The following MEGF11 variants were observed in gnomAD, a reference collection of about 807,000 sequenced individuals.
The protein encoded by MEGF11 is multiple EGF like domains 11, also known as multiple epidermal growth factor-like domains protein 11.
Under a neutral mutation model 146.6 loss-of-function variants are expected in MEGF11, and 126 were observed. The ratio of observed to expected loss-of-function variants is 0.86; its 90% CI spans 0.74 to 1.00. The LOEUF is 1.00. Ranked by LOEUF, MEGF11 falls within the 50% of genes least tolerant of loss-of-function variation. The pLI, the probability that MEGF11 is intolerant of heterozygous loss-of-function variation, is 0.00. For synonymous variants in MEGF11, 532 were observed against 583.4 expected, an observed-to-expected ratio of 0.91 and a Z score of 1.27; for missense variants, 1,509 against 1,521.2, an observed-to-expected ratio of 0.99 and a Z score of 0.13.
intron 1 of MEGF11, among the ~76,000 whole-genome samples, chr15:66,206,513 A>T (rs1417978927): frequency 6.6e-6 from 1 of 152,216 alleles, no homozygotes; most frequent in Non-Finnish European, 1.5e-5. Flanking sequence ...AAAATTAAAG[A>T]TGAAGAAAAA....
At chr15:66,052,058 A>C (rs1226389586) in intron 5 of MEGF11, among the ~76,000 whole-genome samples, 1 of 152,196 alleles carries the variant, frequency 6.6e-6, no homozygotes, top group Admixed American at 6.5e-5. Context: ...CATCATGAGG[A>C]GGCAACAGAG....
At chr15:66,011,954 A>C (rs1201422857) in intron 5 of MEGF11, among the ~76,000 whole-genome samples, 4 of 152,114 alleles carry the variant, frequency 2.6e-5, no homozygotes, top group Non-Finnish European at 4.4e-5. Flanking sequence ...AAGAACGCAA[A>C]ATAGGGCTGG....
chr15:66,117,277 T>C (rs1460398165), intron 4 of MEGF11, among the ~76,000 whole-genome samples: 1 of 152,096 alleles, frequency 6.6e-6, no homozygotes, highest in Non-Finnish European at 1.5e-5. Context: ...CTGCCAGAAC[T>C]CTCCTGTCCC....
At chr15:66,230,012 C>T (rs1249068424) in intron 1 of MEGF11, among the ~76,000 whole-genome samples, 2 of 152,062 alleles carry the variant, frequency 1.3e-5, no homozygotes, top group African/African-American at 2.4e-5. Context: ...ACTTTACCTC[C>T]TACAAGAGAG....
In MEGF11 at chr15:65,896,768, GAT is replaced by G. The variant is rs1257457972; in HGVS notation, c.*1164_*1165del. 1 of 152,182 alleles carries G rather than the reference GAT, an allele frequency of 6.6e-6. No homozygotes were observed. Among genetic ancestry groups the G allele is most frequent in the Non-Finnish European group, 1.5e-5 (1 of 68,034 alleles). The allele number at this position is 152,182 out of a possible 1,614,324, so 9.4% of individuals were successfully genotyped here. A position where few individuals can be genotyped will look rare whatever the true frequency, so the allele number is the denominator to read the frequency against. ...CTAGCTCAGTAAGTAGTAGTTTTAA[GAT>G]AGAAGGTGGAAGGACTTCATATCCT... On this transcript the variant is annotated 3_prime_UTR_variant, in exon 26 of 26. Coordinates refer to ENST00000395614, the MANE Select transcript of MEGF11 (RefSeq NM_001385028.1).
chr15:66,069,521 T>C (rs535061790), intron 5 of MEGF11, among the ~76,000 whole-genome samples: 1 of 152,256 alleles, frequency 6.6e-6, no homozygotes, highest in Admixed American at 6.5e-5. Context: ...GAGATTGAGG[T>C]AAAGAAGGTC....
At chr15:66,228,784 G>T (rs1029589850) in intron 1 of MEGF11, among the ~76,000 whole-genome samples, 1 of 152,212 alleles carries the variant, frequency 6.6e-6, no homozygotes, top group African/African-American at 2.4e-5. Context: ...TGGGCTTTAT[G>T]AGAGGAGGCC....
At chr15:65,935,586 T>C (rs1305295200) in intron 10 of MEGF11, among the ~76,000 whole-genome samples, 1 of 152,206 alleles carries the variant, frequency 6.6e-6, no homozygotes, top group Non-Finnish European at 1.5e-5. Flanking sequence ...GTGTTGATTG[T>C]TGTTGAGTGG....
intron 5 of MEGF11, among the ~76,000 whole-genome samples, chr15:65,993,910 C>T (rs544517642): frequency 9.8e-5 from 15 of 152,298 alleles, no homozygotes; most frequent in African/African-American, 2.9e-4. Context: ...ACCACCCTTC[C>T]AGACGTCAGT....
At chr15:66,227,843 A>G (rs2140187111) in intron 1 of MEGF11, among the ~76,000 whole-genome samples, 1 of 152,284 alleles carries the variant, frequency 6.6e-6, no homozygotes, top group Non-Finnish European at 1.5e-5. Context: ...AGATTCTTTT[A>G]TGCTTCAGAT....
intron 10 of MEGF11, among the ~76,000 whole-genome samples, chr15:65,944,447 C>T (rs1003288812): frequency 2.0e-5 from 3 of 151,900 alleles, no homozygotes; most frequent in Admixed American, 6.6e-5. Context: ...TGGGGCCACA[C>T]GTGGGTTGGG....
chr15:65,956,441 C>A (rs1221130874), intron 10 of MEGF11, among the ~76,000 whole-genome samples: 2 of 152,212 alleles, frequency 1.3e-5, no homozygotes, highest in Admixed American at 1.3e-4. Context: ...CCTTGCGAGG[C>A]AGGTGTTCTA....
chr15:66,156,256 C>T (rs1217794264), intron 1 of MEGF11, among the ~76,000 whole-genome samples: 1 of 152,188 alleles, frequency 6.6e-6, no homozygotes, highest in Non-Finnish European at 1.5e-5. Flanking sequence ...CTGGGATCTC[C>T]CCTACCCCTG....
intron 5 of MEGF11, among the ~76,000 whole-genome samples, chr15:66,072,587 A>C (rs1320022441): frequency 6.6e-6 from 1 of 152,194 alleles, no homozygotes; most frequent in East Asian, 1.9e-4. Context: ...CAGATTTATT[A>C]AATAAGTGAC....
At chr15:65,930,079 C>A (rs1377318944) in intron 11 of MEGF11, among the ~76,000 whole-genome samples, 196 bp from the exon 12 acceptor site, 1 of 152,224 alleles carries the variant, frequency 6.6e-6, no homozygotes, top group Non-Finnish European at 1.5e-5. Context: ...CCCAGGTCTC[C>A]TGCCTCCGGG....
intron 5 of MEGF11, among the ~76,000 whole-genome samples, chr15:66,090,058 A>G (rs1173150912): frequency 1.3e-5 from 2 of 152,242 alleles, no homozygotes; most frequent in Non-Finnish European, 2.9e-5. Context: ...AATCAGCATC[A>G]TCTCTCTTCC....
chr15:66,028,468 T>G (rs333580), intron 5 of MEGF11, among the ~76,000 whole-genome samples: 1 of 152,078 alleles, frequency 6.6e-6, no homozygotes, highest in African/African-American at 2.4e-5. Flanking sequence ...AATGATCATT[T>G]TGGAAAGCAA....
chr15:65,923,468 C>A (rs1250514414), intron 13 of MEGF11, among the ~76,000 whole-genome samples: 1 of 152,182 alleles, frequency 6.6e-6, no homozygotes, highest in Non-Finnish European at 1.5e-5. Flanking sequence ...TGGGTCCCTG[C>A]CAACCCACCC....
Position 65,991,174 on chromosome 15 carries a change from G to A in MEGF11, c.395-8686C>T, listed in dbSNP as rs567385660. On this transcript the variant is annotated intron_variant, in intron 5 of 25. Coordinates refer to ENST00000395614, the MANE Select transcript of MEGF11 (RefSeq NM_001385028.1). ...GGAGGCTGGGATTCACAGAGGCTGCGGCTGCATATCCCACCCATCTCCTAG... is the reference window on the plus strand; with the variant it reads ...GGAGGCTGGGATTCACAGAGGCTGCAGCTGCATATCCCACCCATCTCCTAG... 4.6e-5 allele frequency among the ~76,000 whole-genome samples: 7 copies of A among 152,224 alleles called. No individual in the cohort carries two copies. The South Asian group carries it at 1.2e-3, about 27-fold the overall frequency.
Sources: allele counts gnomAD v4.1 joint callset (sites outside exome capture counted in the v4.1 genomes callset), GRCh38; gene constraint gnomAD v4.1.1; transcripts MANE v1.5; gene names NCBI Gene and HGNC (gene_info 2026-07-23, HGNC 2026-07-21).